The following FAF1 variants were observed in gnomAD, a reference collection of about 807,000 sequenced individuals.
The protein encoded by FAF1 is Fas associated factor 1.
Under a neutral mutation model 92.5 loss-of-function variants are expected in FAF1, and 25 were observed. That is an observed-to-expected ratio of 0.27 (90% CI 0.20 to 0.38). The LOEUF (loss-of-function observed/expected upper bound fraction) is 0.38, where lower values mean the gene tolerates loss of function less well. Among genes scored for constraint, FAF1 ranks in the 10% least tolerant of loss-of-function variants. FAF1 has a pLI of 1.00. For synonymous variants in FAF1, 234 were observed against 273.2 expected (o/e 0.86, Z 1.42); for missense variants, 636 against 793.3 (o/e 0.80, Z 2.38).
At chr1:50,594,889 TA>T in intron 9 of FAF1, among the ~76,000 whole-genome samples, 1 of 84,564 alleles carries the variant, frequency 1.2e-5, no homozygotes, top group African/African-American at 4.0e-5. Flanking sequence ...AAAAAAAAAT[TA>T]TATATATATA....
intron 4 of FAF1, among the ~76,000 whole-genome samples, chr1:50,772,729 CAA>C (rs1347995815): frequency 6.6e-6 from 1 of 151,900 alleles, no homozygotes; most frequent in Non-Finnish European, 1.5e-5. Flanking sequence ...GGGTGAAGAT[CAA>C]AAAAACTACC....
At chr1:50,636,432 C>T (rs1654014444) in intron 8 of FAF1, among the ~76,000 whole-genome samples, 1 of 119,144 alleles carries the variant, frequency 8.4e-6, no homozygotes, top group South Asian at 2.9e-4. Context: ...ATCATCCTGG[C>T]TTGAGTATAG....
At chr1:50,717,987 CTTTATTTA>C (rs67168626) in intron 6 of FAF1, among the ~76,000 whole-genome samples, 4,921 of 138,910 alleles carry the variant, frequency 0.035, 138 homozygotes, top group African/African-American at 0.08. Context: ...AAATACAATC[CTTTATTTA>C]TTTATTTATT....
At chr1:50,530,961 G>T (rs561934926) in intron 15 of FAF1, among the ~76,000 whole-genome samples, 1 of 152,126 alleles carries the variant, frequency 6.6e-6, no homozygotes, top group Non-Finnish European at 1.5e-5. Flanking sequence ...ACAAAGCTTA[G>T]GGGAAAAAGT....
intron 3 of FAF1, among the ~76,000 whole-genome samples, chr1:50,797,436 C>T (rs1365930143): frequency 6.6e-6 from 1 of 152,046 alleles, no homozygotes; most frequent in Non-Finnish European, 1.5e-5. Flanking sequence ...TGTAGTGGCT[C>T]ATGCCTGTAA....
chr1:50,528,490 G>T (rs973562537), intron 15 of FAF1, among the ~76,000 whole-genome samples: 2 of 152,124 alleles, frequency 1.3e-5, no homozygotes, highest in African/African-American at 2.4e-5. Context: ...GGGGTAAATG[G>T]ATTCTTTCTC....
At chr1:50,848,632 C>T (rs1390822759) in intron 2 of FAF1, among the ~76,000 whole-genome samples, 1 of 152,174 alleles carries the variant, frequency 6.6e-6, no homozygotes, top group Non-Finnish European at 1.5e-5. Flanking sequence ...CCAGTAATAA[C>T]ACATATTGAC....
intron 1 of FAF1, among the ~76,000 whole-genome samples, chr1:50,865,654 C>T (rs1321383060): frequency 2.6e-5 from 3 of 116,944 alleles, no homozygotes; most frequent in African/African-American, 6.6e-5. Flanking sequence ...CACATGGACA[C>T]AGGAAGGGGA....
intron 1 of FAF1, among the ~76,000 whole-genome samples, chr1:50,883,399 A>G (rs923674230): frequency 6.6e-6 from 1 of 152,198 alleles, no homozygotes; most frequent in Admixed American, 6.5e-5. Context: ...ACTAAGTATC[A>G]CAAATACTAA....
intron 6 of FAF1, among the ~76,000 whole-genome samples, chr1:50,716,652 C>A (rs1300935789): frequency 6.6e-6 from 1 of 152,160 alleles, no homozygotes; most frequent in African/African-American, 2.4e-5. Context: ...TGTAAAAACG[C>A]ACCAATCAGT....
chr1:50,475,423 C>A (rs1228691493), intron 18 of FAF1, 41 bp downstream of exon 18: 7 of 1,492,250 alleles, frequency 4.7e-6, no homozygotes, highest in South Asian at 1.2e-5. Context: ...TGGCACATCT[C>A]CCACCTGGAT....
At chr1:50,523,072 T>G (rs1286937245) in intron 15 of FAF1, among the ~76,000 whole-genome samples, 2 of 152,208 alleles carry the variant, frequency 1.3e-5, no homozygotes, top group East Asian at 3.8e-4. Flanking sequence ...CAAGATTCAT[T>G]TATGTTGCAA....
At chr1:50,712,858 A>G (rs372868241) in intron 6 of FAF1, among the ~76,000 whole-genome samples, 29 of 151,918 alleles carry the variant, frequency 1.9e-4, no homozygotes, top group African/African-American at 6.3e-4. Flanking sequence ...GCCACCTTGG[A>G]GCAGTCTTTT....
chr1:50,452,489 ATG>A (rs1009255955), intron 18 of FAF1, among the ~76,000 whole-genome samples: 12 of 152,300 alleles, frequency 7.9e-5, no homozygotes, highest in Admixed American at 7.8e-4. Context: ...ACCATTTTCA[ATG>A]TGTGTGGTGA....
At chr1:50,455,695 G>A (rs1646342621) in intron 18 of FAF1, among the ~76,000 whole-genome samples, 1 of 152,174 alleles carries the variant, frequency 6.6e-6, no homozygotes, top group Non-Finnish European at 1.5e-5. Flanking sequence ...AAGACCCAGA[G>A]ACGTATGTAC....
intron 18 of FAF1, among the ~76,000 whole-genome samples, chr1:50,467,010 C>G (rs1001300713): frequency 5.9e-5 from 9 of 152,190 alleles, no homozygotes; most frequent in African/African-American, 2.2e-4. Context: ...CCCACGCCAG[C>G]AGGGATCTAT....
intron 15 of FAF1, among the ~76,000 whole-genome samples, chr1:50,501,439 C>G (rs1207864296): frequency 6.6e-6 from 1 of 152,112 alleles, no homozygotes. Context: ...CCAAGGCAGG[C>G]GGATCACGAG....
chr1:50,650,469 A>G (rs2124278470), intron 8 of FAF1, among the ~76,000 whole-genome samples: 1 of 151,246 alleles, frequency 6.6e-6, no homozygotes, highest in South Asian at 2.1e-4. Context: ...AAAATACAAA[A>G]ATGAGCTGGG....
At chr1:50,846,866 T>G (rs1644306084) in intron 2 of FAF1, 1 of 506,910 alleles carries the variant, frequency 2.0e-6, no homozygotes, top group Admixed American at 2.7e-5. Flanking sequence ...GAATTAGCCT[T>G]ATATTTAATC....
Sources: allele counts gnomAD v4.1 joint callset (sites outside exome capture counted in the v4.1 genomes callset), GRCh38; gene constraint gnomAD v4.1.1; transcripts MANE v1.5; gene names NCBI Gene and HGNC (gene_info 2026-07-23, HGNC 2026-07-21).